Variants in SUB1 observed in about 807,000 individuals in gnomAD.
The protein encoded by SUB1 is SUB1 regulator of transcription.
Under a neutral mutation model 16.9 loss-of-function variants are expected in SUB1, and 1 was observed. The ratio of observed to expected loss-of-function variants is 0.06; its 90% confidence interval spans 0.02 to 0.28. The LOEUF (loss-of-function observed/expected upper bound fraction) is 0.28. Ranked by LOEUF, SUB1 falls within the 10% of genes least tolerant of loss-of-function variation. SUB1 has a pLI of 1.00. For synonymous variants in SUB1, 51 were observed against 46.9 expected (o/e 1.09, Z -0.36); for missense variants, 84 against 145.2 (o/e 0.58, Z 2.16).
intron 4 of SUB1, among the ~76,000 whole-genome samples, chr5:32,599,502 T>C (rs1048776726): frequency 6.6e-6 from 1 of 152,186 alleles, no homozygotes; most frequent in African/African-American, 2.4e-5. Context: ...TTGTGCTTCA[T>C]CCAGTCCCAA....
At chr5:32,596,659 C>T (rs1252313586) in intron 3 of SUB1, 4 of 152,074 alleles carry the variant, frequency 2.6e-5, no homozygotes, top group Non-Finnish European at 4.4e-5. Flanking sequence ...TATTCTTATT[C>T]CTTTGAATTA....
intron 1 of SUB1, chr5:32,586,605 AT>A (rs1297852583): frequency 1.1e-4 from 17 of 152,240 alleles, no homozygotes; most frequent in African/African-American, 4.1e-4. Context: ...TCTTTGAAAA[AT>A]TCTTAGGCCC....
At chr5:32,589,790 A>AAG (rs1467656289) in intron 2 of SUB1, among the ~76,000 whole-genome samples, 1 of 152,226 alleles carries the variant, frequency 6.6e-6, no homozygotes, top group African/African-American at 2.4e-5. Context: ...AATAGTAAGT[A>AAG]ATGACTAGCA....
chr5:32,592,803 CT>C (rs1738863406), intron 3 of SUB1, among the ~76,000 whole-genome samples: 1 of 151,946 alleles, frequency 6.6e-6, no homozygotes. Flanking sequence ...CTAAAGCTGC[CT>C]ACTGAAGTAT....
chr5:32,587,125 C>T (rs1411425755), intron 1 of SUB1, among the ~76,000 whole-genome samples: 2 of 152,082 alleles, frequency 1.3e-5, no homozygotes, highest in African/African-American at 4.8e-5. Context: ...TATTGGAACG[C>T]TAAGCATGTG....
At chr5:32,595,381 A>G (rs1447195713) in intron 3 of SUB1, 1 of 152,106 alleles carries the variant, frequency 6.6e-6, no homozygotes, top group South Asian at 2.1e-4. Context: ...TATTTCTACC[A>G]CTATAGATTT....
rs1348788049 is a variant in SUB1, at chr5:32,603,288, A to G, written c.*2204A>G. 4 of 152,168 alleles carry G rather than the reference A, an allele frequency of 2.6e-5. No individual in the cohort carries two copies. The highest frequency in any genetic ancestry group is 5.9e-5 in the Non-Finnish European group (4 of 67,994). 9.4% of individuals were successfully genotyped at this position (152,168 alleles called of 1,614,324 possible). On this transcript the variant is annotated 3_prime_UTR_variant, in exon 5 of 5. Transcript: ENST00000265073. ...TGTTCTGAAAAGAAAGTATAGATTA[A>G]TTTTGTTTTCTGTTTAAATTTTATC...
chr5:32,596,334 T>C (rs538471521), intron 3 of SUB1: 1 of 152,342 alleles, frequency 6.6e-6, no homozygotes, highest in Non-Finnish European at 1.5e-5. Flanking sequence ...AATATTTTCT[T>C]TAGGTTTCTG....
Position 32,591,669 on chromosome 5 carries a change from A to T in SUB1, c.179A>T (p.Asp60Val). 2 of 1,573,930 alleles carry T rather than the reference A, an allele frequency of 1.3e-6. No individual in the cohort carries two copies. The highest frequency in any genetic ancestry group is 1.7e-6 in the Non-Finnish European group (2 of 1,165,184). ...SSSKQSSSSR[D>V]DNMFQIGKMR... ...TCTAAACAGAGCAGCAGCAGCAGAGATGATAACATGTTTCAGGTAAAGTTG... is the reference window on the plus strand; with the variant it reads ...TCTAAACAGAGCAGCAGCAGCAGAGTTGATAACATGTTTCAGGTAAAGTTG... The change falls in exon 3 of 5, where the codon GAT becomes GTT. Residue 60 changes from aspartate (D) to valine (V), a missense_variant. Physicochemically the swap from Asp to Val is radical, Grantham distance 152 (BLOSUM62 -3). Transcript: ENST00000265073.
intron 3 of SUB1, 185 bp from the exon 4 acceptor site, chr5:32,598,776 A>G: frequency 2.4e-6 from 1 of 414,174 alleles, no homozygotes; most frequent in Non-Finnish European, 4.3e-6. Context: ...CAGTATATTT[A>G]TTGAAAAAAA....
At chr5:32,588,701 G>T in intron 2 of SUB1, 117 bp downstream of exon 2, 2 of 1,035,340 alleles carry the variant, frequency 1.9e-6, no homozygotes, top group Non-Finnish European at 2.7e-6. Flanking sequence ...GCTGGGCGCG[G>T]TGGCTCATGC....
chr5:32,585,954 C>G (rs1052143267), intron 1 of SUB1: 1 of 152,530 alleles, frequency 6.6e-6, no homozygotes, highest in African/African-American at 2.4e-5. Context: ...CGGGACAATG[C>G]GGCGGCGGCC....
At chr5:32,594,554 CT>C (rs1561035307) in intron 3 of SUB1, 2 of 449,496 alleles carry the variant, frequency 4.4e-6, no homozygotes, top group Non-Finnish European at 9.0e-6. Flanking sequence ...TTTGAGTTTT[CT>C]TTTTTGTGTT....
Position 32,585,617 on chromosome 5 carries a change from G to C in SUB1, c.-10G>C, listed in dbSNP as rs1012838434. ...AAGAGGGTGTTCGACTGCTAGAGCCGAGCGAAGCGTGAGTGCGCGGGACCC... is the reference window on the plus strand; with the variant it reads ...AAGAGGGTGTTCGACTGCTAGAGCCCAGCGAAGCGTGAGTGCGCGGGACCC... On this transcript the variant is annotated 5_prime_UTR_variant, in exon 1 of 5. Coordinates refer to ENST00000265073, the MANE Select transcript of SUB1 (RefSeq NM_006713.4). The C allele has an allele frequency of 2.0e-5, 3 of 152,298 alleles. No homozygotes were observed. Among genetic ancestry groups the C allele is most frequent in the African/African-American group, 4.8e-5 (2 of 41,460 alleles). 9.4% of individuals were successfully genotyped at this position (152,298 alleles called of 1,614,324 possible).
intron 2 of SUB1, among the ~76,000 whole-genome samples, chr5:32,589,591 C>T (rs1012496913): frequency 2.6e-5 from 4 of 152,044 alleles, no homozygotes; most frequent in Non-Finnish European, 4.4e-5. Context: ...ACAGCTGCAC[C>T]GTAATTGGTG....
Position 32,601,329 on chromosome 5 carries a change from C to G in SUB1, c.*245C>G, listed in dbSNP as rs1739109313. 2.4e-6 allele frequency: 1 copy of G among 418,432 alleles called. No individual in the cohort carries two copies. 25.9% of individuals were successfully genotyped at this position (418,432 alleles called of 1,614,324 possible). A position where few individuals can be genotyped will look rare whatever the true frequency, so the allele number is the denominator to read the frequency against. ...GTAAAATAAAATCAAGTAATACAAT[C>G]TTAACTGTTGTGGCCTTTTTTGATC... On this transcript the variant is annotated 3_prime_UTR_variant, in exon 5 of 5. Coordinates refer to ENST00000265073, the MANE Select transcript of SUB1 (RefSeq NM_006713.4).
chr5:32,599,222 C>A (rs897577282), intron 4 of SUB1, among the ~76,000 whole-genome samples, 153 bp downstream of exon 4: 4 of 152,120 alleles, frequency 2.6e-5, no homozygotes, highest in African/African-American at 7.2e-5. Context: ...GGACATGATA[C>A]TTAACATTTT....
At chr5:32,597,510 G>C (rs887847721) in intron 3 of SUB1, 2 of 152,102 alleles carry the variant, frequency 1.3e-5, no homozygotes, top group Non-Finnish European at 1.5e-5. Flanking sequence ...GAATAATGCT[G>C]CTATGAACAT....
intron 3 of SUB1, chr5:32,597,264 C>T (rs1738991567): frequency 6.6e-6 from 1 of 152,176 alleles, no homozygotes; most frequent in Admixed American, 6.5e-5. Context: ...GCCCTGGTAA[C>T]CACCATTCTA....
Sources: allele counts gnomAD v4.1 joint callset (sites outside exome capture counted in the v4.1 genomes callset), GRCh38; gene constraint gnomAD v4.1.1; transcripts MANE v1.5; gene names NCBI Gene and HGNC (gene_info 2026-07-23, HGNC 2026-07-21).